Variants in CACNA2D4 observed in about 807,000 individuals in gnomAD.
The protein encoded by CACNA2D4 is calcium voltage-gated channel auxiliary subunit alpha2delta 4, also known as voltage-dependent calcium channel subunit alpha-2/delta-4.
CACNA2D4 carries 157 observed loss-of-function variants against 163.8 expected under a neutral mutation model. The ratio of observed to expected loss-of-function variants is 0.96; its 90% CI spans 0.84 to 1.09. The LOEUF is 1.09. CACNA2D4 is among the 50% of genes least tolerant of loss of function. CACNA2D4 has a pLI of 0.00. For synonymous variants in CACNA2D4, 598 were observed against 586.9 expected (o/e 1.02, Z -0.27); for missense variants, 1,410 against 1,479.9 (o/e 0.95, Z 0.78).
Position 1,798,941 on chromosome 12 carries a change from C to G in CACNA2D4, c.2995+734G>C, listed in dbSNP as rs909999691. ...CCCAGGGGCAGAGGAAGCCCCAAGC[C>G]AAGGCCAGCAGAAGAGAACGAAGAG... is the stretch of plus-strand genomic sequence containing the variant. On this transcript the variant is annotated intron_variant, in intron 34 of 37. Transcript: ENST00000382722. This position sits in a 1 kb window ranked among gnomAD's most constrained non-coding sequence, Gnocchi z 4.3. 3.9e-5 allele frequency among the ~76,000 whole-genome samples: 6 copies of G among 152,128 alleles called. No individual in the cohort carries two copies. The highest frequency in any genetic ancestry group is 5.9e-5 in the Non-Finnish European group (4 of 68,036).
rs78718635 is a variant in CACNA2D4, at chr12:1,869,067, C to T, written c.1878+5537G>A. 3.6e-3 allele frequency among the ~76,000 whole-genome samples: 543 copies of T among 152,214 alleles called. 12 individuals carry two copies. In the South Asian group the frequency reaches 0.047, roughly 13 times the overall value. On this transcript the variant is annotated intron_variant, in intron 18 of 37. Coordinates refer to ENST00000382722, the MANE Select transcript of CACNA2D4 (RefSeq NM_172364.5). This position sits in a 1 kb window ranked among gnomAD's most constrained non-coding sequence, Gnocchi z 4.7. ...CCCCATGGATGCTGAGGGATGACTG[C>T]GCATCACGTTGTGCACCTTAAATAT...
At chr12:1,871,267 ACTGGTGTGTGTGTACACCTGTATGTTG>A (rs1489046646) in intron 18 of CACNA2D4, among the ~76,000 whole-genome samples, 1 of 130,918 alleles carries the variant, frequency 7.6e-6, no homozygotes, top group Non-Finnish European at 1.6e-5. Context: ...AATGTGTGCC[ACTGGTGTGTGTGTACACCTGTATGTTG>A]CTGGTGTGTG....
In CACNA2D4 at chr12:1,869,798, T is replaced by C. The variant is rs1215709859; in HGVS notation, c.1878+4806A>G. ...GCCCTAACCATTTCTCCGCTGAGATTCTCCATCTGTTCCCTCATTATGAAC... is the reference window on the plus strand; with the variant it reads ...GCCCTAACCATTTCTCCGCTGAGATCCTCCATCTGTTCCCTCATTATGAAC... On this transcript the variant is annotated intron_variant, in intron 18 of 37. Coordinates refer to ENST00000382722, the MANE Select transcript of CACNA2D4 (RefSeq NM_172364.5). This position sits in a 1 kb window ranked among gnomAD's most constrained non-coding sequence, Gnocchi z 4.7. Among the ~76,000 whole-genome samples the C allele has an allele frequency of 6.6e-6, 1 of 152,224 alleles. No homozygotes were observed. Among genetic ancestry groups the C allele is most frequent in the Non-Finnish European group, 1.5e-5 (1 of 68,050 alleles).
intron 4 of CACNA2D4, 29 bp downstream of exon 4, chr12:1,909,877 C>T (rs1271387063): frequency 6.2e-7 from 1 of 1,608,668 alleles, no homozygotes; most frequent in Non-Finnish European, 8.5e-7. Flanking sequence ...TCCTGGCCCT[C>T]TGGCACCAGT....
intron 26 of CACNA2D4, among the ~76,000 whole-genome samples, chr12:1,823,845 G>A (rs1864210414): frequency 6.6e-6 from 1 of 152,188 alleles, no homozygotes. Flanking sequence ...ACACTGCAGA[G>A]GACCATTCAG....
chr12:1,814,513 C>T (rs1863814718), intron 26 of CACNA2D4, among the ~76,000 whole-genome samples: 1 of 152,214 alleles, frequency 6.6e-6, no homozygotes, highest in African/African-American at 2.4e-5. Context: ...CCACTCGACC[C>T]AAGAAGTCCA....
chr12:1,840,695 T>C (rs1864999173), intron 26 of CACNA2D4, 44 bp downstream of exon 26: 2 of 1,530,152 alleles, frequency 1.3e-6, no homozygotes, highest in African/African-American at 1.4e-5. Flanking sequence ...CTCTTTACAC[T>C]GTCCCCAGCT....
rs372287693 is a variant in CACNA2D4 at position 1,878,259 on chromosome 12, A to G, written c.1719+56T>C. 1.3e-6 allele frequency: 2 copies of G among 1,560,354 alleles called. No individual in the cohort carries two copies. The highest frequency in any genetic ancestry group is 3.8e-5 in the Admixed American group (2 of 52,570). On this transcript the variant is annotated intron_variant, in intron 16 of 37. Transcript: ENST00000382722. This position sits in a 1 kb window ranked among gnomAD's most constrained non-coding sequence, Gnocchi z 4.6. ...TTTGTTGTTTTAATCGTTTTTGTGA[A>G]TTACCCCCAAATCCCATACAGTAAG... is the stretch of plus-strand genomic sequence containing the variant.
At position 1,856,208 on chromosome 12, in the gene CACNA2D4, G is replaced by T; in HGVS notation, c.2030C>A (p.Pro677Gln). 6.2e-7 allele frequency: 1 copy of T among 1,614,028 alleles called. No individual in the cohort carries two copies. The highest frequency in any genetic ancestry group is 1.1e-5 in the South Asian group (1 of 91,074). ...VEEGLHDLLH[P>Q]DLALAGDWIY... Reference sequence around the variant, plus strand: ...CCAGTCACCGGCCAGGGCCAGGTCTGGGTGAAGCAAGTCATGCAGGCCTGA... The same window carrying T: ...CCAGTCACCGGCCAGGGCCAGGTCTTGGTGAAGCAAGTCATGCAGGCCTGA... Residue 677 changes from proline to glutamine, a missense_variant, in exon 21 of 38, where the codon CCA becomes CAA. Coordinates refer to ENST00000382722, the MANE Select transcript of CACNA2D4 (RefSeq NM_172364.5).
In CACNA2D4 at chr12:1,874,195, A is replaced by G. The variant is rs1865838803; in HGVS notation, c.1878+409T>C. Among the ~76,000 whole-genome samples, 4 of 152,236 alleles carry G rather than the reference A, an allele frequency of 2.6e-5. No homozygotes were observed. The highest frequency in any genetic ancestry group is 2.0e-4 in the Admixed American group (3 of 15,284). On this transcript the variant is annotated intron_variant, in intron 18 of 37. Transcript: ENST00000382722. This position sits in a 1 kb window ranked among gnomAD's most constrained non-coding sequence, Gnocchi z 4.4. ...ATGACAGTGGATGAAAATCAGCTGT[A>G]GGGAATAGTGAATATTTCAATCTCT...
At chr12:1,909,356 TA>T (rs1443688386) in intron 4 of CACNA2D4, among the ~76,000 whole-genome samples, 1 of 152,188 alleles carries the variant, frequency 6.6e-6, no homozygotes, top group Non-Finnish European at 1.5e-5. Flanking sequence ...TACGCCCGGC[TA>T]AATTTTTTGC....
intron 2 of CACNA2D4, among the ~76,000 whole-genome samples, chr12:1,913,932 C>T (rs983457474): frequency 8.5e-5 from 13 of 152,240 alleles, no homozygotes; most frequent in African/African-American, 2.4e-4. Flanking sequence ...CGGCCACATC[C>T]GTACTGCTCT....
intron 28 of CACNA2D4, 22 bp from the exon 29 acceptor site, chr12:1,810,362 A>G (rs1297991288): frequency 2.5e-6 from 4 of 1,609,812 alleles, no homozygotes; most frequent in Admixed American, 1.7e-5. Context: ...CCCAGAAGGG[A>G]GGTTATGCCA....
chr12:1,818,233 A>C (rs1396695624), intron 26 of CACNA2D4, among the ~76,000 whole-genome samples: 7 of 151,574 alleles, frequency 4.6e-5, no homozygotes, highest in Non-Finnish European at 1.0e-4. Flanking sequence ...GGAAGTGAGG[A>C]GCCCCTCTGC....
intron 6 of CACNA2D4, among the ~76,000 whole-genome samples, chr12:1,897,289 A>G (rs1037618459): frequency 6.6e-6 from 1 of 152,186 alleles, no homozygotes; most frequent in Admixed American, 6.5e-5. Context: ...ACAATTAGAT[A>G]GAAGGAATGA....
chr12:1,911,045 A>G (rs1296999602), intron 3 of CACNA2D4, among the ~76,000 whole-genome samples: 1 of 126,256 alleles, frequency 7.9e-6, no homozygotes, highest in African/African-American at 3.2e-5. Flanking sequence ...TTTTTTTGAG[A>G]TGGAGTCTCA....
At chr12:1,913,365 T>C (rs776399595) in intron 2 of CACNA2D4, among the ~76,000 whole-genome samples, 1 of 152,190 alleles carries the variant, frequency 6.6e-6, no homozygotes, top group Admixed American at 6.5e-5. Flanking sequence ...TCTAGACGCA[T>C]TGCAGTTATA....
At chr12:1,809,506 T>C (rs780157866) in intron 29 of CACNA2D4, 5 of 702,430 alleles carry the variant, frequency 7.1e-6, no homozygotes, top group South Asian at 1.5e-5. Flanking sequence ...GAAATACATC[T>C]GGTGAATATA....
intron 29 of CACNA2D4, among the ~76,000 whole-genome samples, chr12:1,805,425 G>T (rs1863501240): frequency 6.6e-6 from 1 of 152,196 alleles, no homozygotes; most frequent in South Asian, 2.1e-4. Flanking sequence ...CTTACCTGGG[G>T]ACAGCCTCCG....
Sources: allele counts gnomAD v4.1 joint callset (sites outside exome capture counted in the v4.1 genomes callset), GRCh38; gene constraint gnomAD v4.1.1; non-coding constraint Gnocchi (gnomAD v3.1); transcripts MANE v1.5; gene names NCBI Gene and HGNC (gene_info 2026-07-23, HGNC 2026-07-21).